Variants in RBM24 observed in about 807,000 individuals in gnomAD.
RBM24 encodes the protein RNA-binding protein 24.
RBM24 carries 5 observed loss-of-function variants against 23.6 expected under a neutral mutation model. The observed-to-expected ratio is 0.21, with a 90% CI of 0.11 to 0.45. The LOEUF (loss-of-function observed/expected upper bound fraction) is 0.45. RBM24 is among the 20% of genes least tolerant of loss of function. RBM24 has a pLI of 0.99. For missense variants in RBM24, 252 were observed against 314.6 expected (o/e 0.80, Z 1.51); for synonymous variants, 151 against 129.5 (o/e 1.17, Z -1.13).
chr6:17,289,938 G>T, intron 3 of RBM24: 1 of 1,283,242 alleles, frequency 7.8e-7, no homozygotes, highest in Non-Finnish European at 1.0e-6. Context: ...CACCTGACCT[G>T]CAGCAAAGTT....
chr6:17,288,446 C>T (rs768741358), intron 3 of RBM24: 151 of 983,498 alleles, frequency 1.5e-4, no homozygotes, highest in Non-Finnish European at 1.7e-4. Flanking sequence ...ATTGTAGACT[C>T]TCTCCACAGA....
chr6:17,282,438 G>A (rs2113393291), intron 1 of RBM24: 2 of 502,790 alleles, frequency 4.0e-6, no homozygotes, highest in Non-Finnish European at 7.5e-6. Context: ...GTGCCTCTGA[G>A]GCTGAGTAGG....
intron 3 of RBM24, among the ~76,000 whole-genome samples, chr6:17,290,405 T>C (rs1179374880): frequency 6.6e-6 from 1 of 152,230 alleles, no homozygotes; most frequent in Non-Finnish European, 1.5e-5. Context: ...GTGTTTCAGA[T>C]GGGCAGTAAT....
At chr6:17,282,081 C>G in intron 1 of RBM24, 3 of 1,240,292 alleles carry the variant, frequency 2.4e-6, no homozygotes, top group Non-Finnish European at 3.1e-6. Flanking sequence ...CATTCCCGGG[C>G]TGGATGCCGG....
rs1760426383 is a variant in RBM24 at position 17,293,328 on chromosome 6, T to G, written c.*1209T>G. 1 of 152,654 alleles carries G rather than the reference T, an allele frequency of 6.6e-6. No individual in the cohort carries two copies. The highest frequency in any genetic ancestry group is 2.4e-5 in the African/African-American group (1 of 41,472). The allele number at this position is 152,654 out of a possible 1,614,324, so 9.5% of individuals were successfully genotyped here. A position where few individuals can be genotyped will look rare whatever the true frequency, so the allele number is the denominator to read the frequency against. ...CTCATGGCATAAATTATTTAGTAAG[T>G]CTAGATGTAGCGTATTAAATATTAA... On this transcript the variant is annotated 3_prime_UTR_variant, in exon 4 of 4. Coordinates refer to ENST00000379052, the MANE Select transcript of RBM24 (RefSeq NM_001143942.2).
chr6:17,284,960 C>T, intron 3 of RBM24: 1 of 373,370 alleles, frequency 2.7e-6, no homozygotes, highest in East Asian at 4.3e-5. Context: ...ACAAAAATAC[C>T]AGGTATGACT....
intron 3 of RBM24, 109 bp from the exon 4 acceptor site, chr6:17,291,647 C>A: frequency 8.3e-7 from 1 of 1,207,242 alleles, no homozygotes; most frequent in Non-Finnish European, 1.2e-6. Context: ...GATATTGTGG[C>A]AACCCTATGC....
chr6:17,289,674 C>T (rs1760296087), intron 3 of RBM24: 1 of 985,306 alleles, frequency 1.0e-6, no homozygotes, highest in Non-Finnish European at 1.2e-6. Context: ...GTTTCGGTGT[C>T]AGTGAGATCC....
At chr6:17,282,745 T>G (rs774998143) in intron 1 of RBM24, 60 bp from the exon 2 acceptor site, 1 of 1,596,594 alleles carries the variant, frequency 6.3e-7, no homozygotes, top group Non-Finnish European at 8.6e-7. Context: ...TGATTCTTGA[T>G]TTCCTTCATG....
chr6:17,282,091 GT>G (rs1452045024), intron 1 of RBM24: 1 of 1,230,720 alleles, frequency 8.1e-7, no homozygotes, highest in East Asian at 5.0e-5. Context: ...CTGGATGCCG[GT>G]TGTTAAGCGC....
rs374717714 is a variant in RBM24, at chr6:17,284,696, T to C, written c.332T>C (p.Ile111Thr). ...GTTCAACAACTTCATCCAGCCCTTA[T>C]ACAAAGACCTTTCGGGTAAGTTGAT... ...FGVQQLHPAL[I>T]QRPFGIPAHY... is the part of the protein sequence containing the mutation. The change falls in exon 3 of 4, where the codon ATA becomes ACA. Residue 111 changes from isoleucine (I) to threonine (T), a missense_variant. Coordinates refer to ENST00000379052, the MANE Select transcript of RBM24 (RefSeq NM_001143942.2). 2.5e-6 allele frequency: 4 copies of C among 1,611,308 alleles called. No homozygotes were observed. Among genetic ancestry groups the C allele is most frequent in the Non-Finnish European group, 1.7e-6 (2 of 1,178,898 alleles).
At chr6:17,285,657 A>G (rs189855853) in intron 3 of RBM24, among the ~76,000 whole-genome samples, 77 of 152,326 alleles carry the variant, frequency 5.1e-4, no homozygotes, top group South Asian at 2.1e-3. Flanking sequence ...TTTTATTAAC[A>G]CAAGCCAGTT....
At chr6:17,284,195 A>G (rs1388308857) in intron 2 of RBM24, among the ~76,000 whole-genome samples, 11 of 151,854 alleles carry the variant, frequency 7.2e-5, no homozygotes, top group Admixed American at 7.2e-4. Context: ...TAGTATCCAG[A>G]AAAAAAACAT....
Position 17,292,741 on chromosome 6 carries a change from T to C in RBM24, c.*622T>C, listed in dbSNP as rs990215432. ...CAAAGCTATTTTCTCATCTGTCCTG[T>C]GGATGAGTGGAACTGTGGAACAAGT... On this transcript the variant is annotated 3_prime_UTR_variant, in exon 4 of 4. Coordinates refer to ENST00000379052, the MANE Select transcript of RBM24 (RefSeq NM_001143942.2). The C allele has an allele frequency of 1.9e-4, 29 of 152,690 alleles. 1 individual carries two copies. The highest frequency in any genetic ancestry group is 6.8e-4 in the African/African-American group (28 of 41,458). The allele number at this position is 152,690 out of a possible 1,614,324, so 9.5% of individuals were successfully genotyped here.
chr6:17,284,610 A>G (rs774201472), intron 2 of RBM24, 47 bp from the exon 3 acceptor site: 88 of 1,436,634 alleles, frequency 6.1e-5, no homozygotes, highest in Non-Finnish European at 7.7e-5. Flanking sequence ...GGAATAATAA[A>G]TGCCTAACCA....
intron 1 of RBM24, 194 bp from the exon 2 acceptor site, chr6:17,282,611 C>G (rs1176893404): frequency 3.7e-5 from 3 of 80,728 alleles, no homozygotes; most frequent in African/African-American, 2.9e-4. Context: ...TCTACCCGCC[C>G]CCCCCCCCCA....
intron 1 of RBM24, chr6:17,282,223 G>C: frequency 7.7e-7 from 1 of 1,291,060 alleles, no homozygotes; most frequent in Non-Finnish European, 1.0e-6. Context: ...TGCAAAGGTA[G>C]GTTCTTTTAA....
chr6:17,282,058 C>A, intron 1 of RBM24: 1 of 1,267,930 alleles, frequency 7.9e-7, no homozygotes, highest in Non-Finnish European at 1.0e-6. Flanking sequence ...GGGGCCGCAA[C>A]CCTGAACAAT....
chr6:17,284,794 C>G, intron 3 of RBM24, 83 bp downstream of exon 3: 1 of 948,652 alleles, frequency 1.1e-6, no homozygotes, highest in East Asian at 2.5e-5. Context: ...CAGATAAGAT[C>G]ATGATGTCAC....
Sources: allele counts gnomAD v4.1 joint callset (sites outside exome capture counted in the v4.1 genomes callset), GRCh38; gene constraint gnomAD v4.1.1; transcripts MANE v1.5; gene names NCBI Gene and HGNC (gene_info 2026-07-23, HGNC 2026-07-21).